MSRA: variants seen among roughly 807,000 people sequenced by gnomAD.
MSRA encodes the protein methionine sulfoxide reductase A.
In MSRA, 54 loss-of-function variants were observed where a neutral mutation model predicts 31.3. That is an observed-to-expected ratio of 1.73 (90% confidence interval 1.39 to 2.17). The LOEUF is 2.17. Ranked by LOEUF, MSRA falls within the 30% of genes most tolerant of loss-of-function variation. MSRA has a pLI of 0.00. For synonymous variants in MSRA, 169 were observed against 116.5 expected (o/e 1.45, Z -2.90); for missense variants, 507 against 300.9 (o/e 1.69, Z -5.07).
intron 2 of MSRA, among the ~76,000 whole-genome samples, chr8:10,208,541 A>T (rs906817853): frequency 1.3e-5 from 2 of 152,096 alleles, no homozygotes; most frequent in African/African-American, 4.8e-5. Context: ...ATCTCTGCAC[A>T]TGGCCCTTTC....
intron 1 of MSRA, among the ~76,000 whole-genome samples, chr8:10,192,403 C>T (rs148815356): frequency 1.5e-4 from 23 of 152,284 alleles, no homozygotes; most frequent in African/African-American, 3.9e-4. Flanking sequence ...CAGATGAGAC[C>T]GCAGCCCAGC....
At chr8:10,071,434 G>C (rs563138864) in intron 1 of MSRA, among the ~76,000 whole-genome samples, 3 of 149,710 alleles carry the variant, frequency 2.0e-5, no homozygotes, top group Non-Finnish European at 4.4e-5. Context: ...TTTTCTTCTA[G>C]GCTGTAGCTT....
Position 10,417,419 on chromosome 8 carries a change from G to GACACACACACACACACACACACAC in MSRA, c.544-10725_544-10702dup, listed in dbSNP as rs1184991397. Among the ~76,000 whole-genome samples the GACACACACACACACACACACACAC allele has an allele frequency of 1.2e-3, 171 of 145,480 alleles. 2 individuals carry two copies. Among genetic ancestry groups the GACACACACACACACACACACACAC allele is most frequent in the African/African-American group, 4.0e-3 (157 of 39,278 alleles). On this transcript the variant is annotated intron_variant, in intron 5 of 5. Coordinates refer to ENST00000317173, the MANE Select transcript of MSRA (RefSeq NM_012331.5). ...AGAAGCACTCATCCCTTCGTCAGAA[G>GACACACACACACACACACACACAC]ACACACACACACACACACACACACA...
chr8:10,415,459 C>G (rs977708681), intron 5 of MSRA, among the ~76,000 whole-genome samples: 2 of 152,144 alleles, frequency 1.3e-5, no homozygotes, highest in Non-Finnish European at 2.9e-5. Context: ...TTCCTTCAGT[C>G]TCCTGAAGTG....
chr8:10,134,289 A>G (rs946431419), intron 1 of MSRA, among the ~76,000 whole-genome samples: 11 of 152,198 alleles, frequency 7.2e-5, no homozygotes, highest in Non-Finnish European at 1.6e-4. Context: ...CACGTAAGAC[A>G]ATGGGAAAAA....
At chr8:10,059,354 C>G (rs538757947) in intron 1 of MSRA, among the ~76,000 whole-genome samples, 2 of 152,228 alleles carry the variant, frequency 1.3e-5, no homozygotes, top group East Asian at 3.9e-4. Flanking sequence ...ACTGTTATCA[C>G]CACTTATAGA....
chr8:10,059,534 G>T (rs565472739), intron 1 of MSRA, among the ~76,000 whole-genome samples: 3 of 152,190 alleles, frequency 2.0e-5, no homozygotes, highest in African/African-American at 7.2e-5. Context: ...TATGAGAACA[G>T]AATGTTTTTA....
intron 1 of MSRA, among the ~76,000 whole-genome samples, chr8:10,193,541 C>T (rs916283394): frequency 9.2e-5 from 14 of 152,212 alleles, no homozygotes; most frequent in African/African-American, 3.1e-4. Context: ...TATCCCTAAT[C>T]TCCATCTGTT....
intron 2 of MSRA, among the ~76,000 whole-genome samples, chr8:10,223,126 C>G (rs1489777312): frequency 6.6e-6 from 1 of 152,146 alleles, no homozygotes; most frequent in African/African-American, 2.4e-5. Flanking sequence ...ACTAGCAAAA[C>G]ACAGATACAC....
intron 1 of MSRA, among the ~76,000 whole-genome samples, chr8:10,058,297 G>C (rs1221647185): frequency 6.6e-6 from 1 of 152,112 alleles, no homozygotes; most frequent in East Asian, 1.9e-4. Context: ...CAATGAGGTA[G>C]TCTCAAGAAA....
chr8:10,148,601 C>T (rs979369041), intron 1 of MSRA, among the ~76,000 whole-genome samples: 41 of 151,086 alleles, frequency 2.7e-4, no homozygotes, highest in Admixed American at 1.1e-3. Flanking sequence ...GAACTGAGAT[C>T]GCACCATTGC....
chr8:10,136,955 T>C (rs1453310356), intron 1 of MSRA, among the ~76,000 whole-genome samples: 1 of 152,240 alleles, frequency 6.6e-6, no homozygotes, highest in East Asian at 1.9e-4. Context: ...CTCTAGTCAT[T>C]GTCGTCATGG....
At position 10,320,134 on chromosome 8, in the gene MSRA, T is replaced by G. The variant is rs938838382; in HGVS notation, c.543+145T>G. The stretch of plus-strand genomic sequence containing the variant: ...AGAAATTTCTGTCAGCCTCTAGGAG[T>G]GGAGCCATTGTGTCTAATACGTGTG... On this transcript the variant is annotated intron_variant, in intron 5 of 5. Coordinates refer to ENST00000317173, the MANE Select transcript of MSRA (RefSeq NM_012331.5). The G allele has an allele frequency of 1.2e-5, 7 of 571,626 alleles. No homozygotes were observed. The African/African-American group carries it at 1.3e-4, about 11-fold the overall frequency. The allele number at this position is 571,626 out of a possible 1,614,324, so 35.4% of individuals were successfully genotyped here. A position where few individuals can be genotyped will look rare whatever the true frequency, so the allele number is the denominator to read the frequency against.
At chr8:10,074,468 A>G (rs11249969) in intron 1 of MSRA, among the ~76,000 whole-genome samples, 82,952 of 151,912 alleles carry the variant, frequency 0.55, 24,226 homozygotes, top group Middle Eastern at 0.67. Context: ...CTGAGTCTCT[A>G]AGTTAGGAAA....
chr8:10,146,540 G>A lies in MSRA; in HGVS notation c.143-61293G>A, dbSNP rs147821614. On this transcript the variant is annotated intron_variant, in intron 1 of 5. Transcript: ENST00000317173. ...GGGCTGGGGGTTTCGAGGAAACTAGGAGTGGCTGGATGCAGGTACCAGGGG... is the reference window on the plus strand; with the variant it reads ...GGGCTGGGGGTTTCGAGGAAACTAGAAGTGGCTGGATGCAGGTACCAGGGG... Among the ~76,000 whole-genome samples, 749 of 152,272 alleles carry A rather than the reference G, an allele frequency of 4.9e-3. 2 individuals carry two copies. Among genetic ancestry groups the A allele is most frequent in the Middle Eastern group, 0.02 (6 of 294 alleles).
intron 5 of MSRA, among the ~76,000 whole-genome samples, chr8:10,425,270 C>T (rs1326826791): frequency 1.3e-5 from 2 of 152,220 alleles, no homozygotes; most frequent in Non-Finnish European, 2.9e-5. Flanking sequence ...GTCCCAGGCC[C>T]AGGGCGGTGC....
intron 3 of MSRA, among the ~76,000 whole-genome samples, chr8:10,266,883 C>G (rs1024052620): frequency 5.3e-5 from 8 of 152,194 alleles, no homozygotes; most frequent in African/African-American, 2.4e-5. Flanking sequence ...AAAGGTCAAT[C>G]ATACATTATA....
intron 3 of MSRA, among the ~76,000 whole-genome samples, chr8:10,299,706 T>G (rs536752549): frequency 6.6e-4 from 100 of 152,314 alleles, no homozygotes; most frequent in African/African-American, 2.2e-3. Flanking sequence ...AATCCTATCT[T>G]CCAGCTATGA....
At chr8:10,348,840 G>T (rs942715341) in intron 5 of MSRA, among the ~76,000 whole-genome samples, 1 of 152,106 alleles carries the variant, frequency 6.6e-6, no homozygotes, top group African/African-American at 2.4e-5. Context: ...GAGAAGGCTT[G>T]GGGGGGACAA....
Sources: gnomAD v4.1 joint callset for allele counts (sites outside exome capture counted in the v4.1 genomes callset) on GRCh38, gnomAD v4.1.1 for gene constraint, MANE v1.5 for transcripts, NCBI Gene and HGNC (gene_info 2026-07-23, HGNC 2026-07-21) for gene names.